CDH23: variants seen among roughly 807,000 people sequenced by gnomAD.
CDH23 encodes cadherin related 23.
In CDH23, 189 loss-of-function variants were observed where a neutral mutation model predicts 317.1. The observed-to-expected ratio is 0.60, with a 90% CI of 0.53 to 0.67. CDH23 has a LOEUF of 0.67. Among genes scored for constraint, CDH23 ranks in the 30% least tolerant of loss-of-function variants. The probability of loss-of-function intolerance (pLI) is 0.00; values close to 1 mark genes in which losing one functional copy is unlikely to be tolerated. For missense variants in CDH23, 4,401 were observed against 4,592.4 expected, an observed-to-expected ratio of 0.96 and a Z score of 1.20; for synonymous variants, 1,839 against 1,876.8, an observed-to-expected ratio of 0.98 and a Z score of 0.52.
chr10:71,487,100 C>T (rs1397622821), intron 3 of CDH23, among the ~76,000 whole-genome samples: 2 of 152,162 alleles, frequency 1.3e-5, no homozygotes, highest in African/African-American at 2.4e-5. Flanking sequence ...CTGGAATGGC[C>T]TTCTCTGCTC....
chr10:71,472,482 T>C (rs1417235952), intron 3 of CDH23, among the ~76,000 whole-genome samples: 2 of 152,216 alleles, frequency 1.3e-5, no homozygotes, highest in Non-Finnish European at 2.9e-5. Flanking sequence ...TGTCTCCTTC[T>C]TTCTGGTTGG....
intron 38 of CDH23, among the ~76,000 whole-genome samples, chr10:71,744,988 G>A (rs1207176270): frequency 6.6e-6 from 1 of 152,188 alleles, no homozygotes; most frequent in Non-Finnish European, 1.5e-5. Context: ...GTTTTTGCAG[G>A]GGACACCTCA....
intron 44 of CDH23, 37 bp from the exon 45 acceptor site, chr10:71,788,903 G>A (rs751464668): frequency 2.5e-5 from 27 of 1,079,698 alleles, no homozygotes; most frequent in Non-Finnish European, 3.9e-5. Context: ...ACTTTGCTGA[G>A]CATGGCCTAC....
intron 6 of CDH23, among the ~76,000 whole-genome samples, chr10:71,524,213 A>G (rs187698368): frequency 3.2e-4 from 49 of 152,336 alleles, no homozygotes; most frequent in Non-Finnish European, 5.6e-4. Flanking sequence ...GGGCAGGGAC[A>G]TGTGGCTTTC....
chr10:71,650,976 A>G lies in CDH23; in HGVS notation c.1449+4359A>G, dbSNP rs181871099. 2.8e-3 allele frequency among the ~76,000 whole-genome samples: 420 copies of G among 152,364 alleles called. 1 individual carries two copies. The highest frequency in any genetic ancestry group is 3.8e-3 in the Non-Finnish European group (260 of 68,038). The stretch of plus-strand genomic sequence containing the variant: ...TTGATTCAACAAACGTTTGGTGAAT[A>G]CCTGCTGTGTGCTAGGCACATGGCC... On this transcript the variant is annotated intron_variant, in intron 14 of 69. Transcript: ENST00000224721.
intron 9 of CDH23, among the ~76,000 whole-genome samples, chr10:71,580,932 C>A (rs1468328089): frequency 6.6e-6 from 1 of 152,120 alleles, no homozygotes; most frequent in Non-Finnish European, 1.5e-5. Flanking sequence ...CTAAAGCAGG[C>A]TAATGGGCAG....
rs536586386 is a variant in CDH23, at chr10:71,406,466, G to A, written c.-6+9148G>A. Among the ~76,000 whole-genome samples, 6 of 152,294 alleles carry A rather than the reference G, an allele frequency of 3.9e-5. No homozygotes were observed. In the East Asian group the frequency reaches 1.2e-3, roughly 29 times the overall value. On this transcript the variant is annotated intron_variant, in intron 1 of 69. Coordinates refer to ENST00000224721, the MANE Select transcript of CDH23 (RefSeq NM_022124.6). ...TCTCCTGTGATATACCCTGGGCCAA[G>A]GGTGTCAGGGTTCCCCCAGGAGGCA... is the stretch of plus-strand genomic sequence containing the variant.
intron 20 of CDH23, among the ~76,000 whole-genome samples, chr10:71,691,853 A>G (rs1212243426): frequency 6.6e-6 from 1 of 152,188 alleles, no homozygotes; most frequent in African/African-American, 2.4e-5. Context: ...TCAGCCTTCA[A>G]TCCCTTTTCC....
chr10:71,495,844 G>A (rs559151686), intron 3 of CDH23, among the ~76,000 whole-genome samples: 2 of 151,674 alleles, frequency 1.3e-5, no homozygotes, highest in East Asian at 3.9e-4. Flanking sequence ...AAGAAAGAAG[G>A]AAAGAAAGAA....
intron 22 of CDH23, 36 bp from the exon 23 acceptor site, chr10:71,701,986 G>A (rs773140611): frequency 8.7e-6 from 14 of 1,607,140 alleles, no homozygotes; most frequent in African/African-American, 4.0e-5. Context: ...CTCCCCAGGC[G>A]CGGCTCAGTG....
intron 8 of CDH23, among the ~76,000 whole-genome samples, chr10:71,575,653 AC>A (rs1858138112): frequency 6.6e-6 from 1 of 152,080 alleles, no homozygotes; most frequent in African/African-American, 2.4e-5. Context: ...CCTGGCGCAC[AC>A]CCCAGCTGGA....
At position 71,813,249 on chromosome 10, in the gene CDH23, G is replaced by C. The variant is rs751829738; in HGVS notation, c.9639G>C (p.Ser3213=). The change falls in exon 69 of 70, where the codon TCG becomes TCC. Residue 3213 remains serine (S), a synonymous_variant. Transcript: ENST00000224721. ...QIIREGPIKG[S]LLKVVLEDYL... ...TAACCCTTTCCCTCCCCCAGGGCTCGCTGCTGAAGGTGGTCCTGGAGGATT... is the reference window on the plus strand; with the variant it reads ...TAACCCTTTCCCTCCCCCAGGGCTCCCTGCTGAAGGTGGTCCTGGAGGATT... 6.4e-7 allele frequency: 1 copy of C among 1,551,436 alleles called. No homozygotes were observed. The highest frequency in any genetic ancestry group is 1.4e-5 in the African/African-American group (1 of 73,054).
intron 27 of CDH23, among the ~76,000 whole-genome samples, chr10:71,710,676 C>T (rs1564747875): frequency 6.6e-6 from 1 of 152,358 alleles, no homozygotes; most frequent in East Asian, 1.9e-4. Context: ...CAAGGGGTGC[C>T]CACTGCAGCC....
intron 3 of CDH23, among the ~76,000 whole-genome samples, chr10:71,482,862 T>C (rs1852141396): frequency 6.6e-6 from 1 of 152,144 alleles, no homozygotes; most frequent in Admixed American, 6.5e-5. Context: ...TTCTGACAGT[T>C]AAATCCAAGA....
At chr10:71,811,670 T>C in intron 64 of CDH23, 43 bp from the exon 65 acceptor site, 3 of 1,613,616 alleles carry the variant, frequency 1.9e-6, no homozygotes, top group Non-Finnish European at 2.5e-6. Flanking sequence ...GCCTGAGACG[T>C]CAGCTTGGCC....
At chr10:71,491,825 A>G (rs1394872875) in intron 3 of CDH23, among the ~76,000 whole-genome samples, 2 of 152,112 alleles carry the variant, frequency 1.3e-5, no homozygotes, top group African/African-American at 4.8e-5. Flanking sequence ...TCTTTGAGCA[A>G]TTGGAGGGCA....
chr10:71,689,741 G>C (rs1417995311), intron 19 of CDH23, among the ~76,000 whole-genome samples: 3 of 152,340 alleles, frequency 2.0e-5, no homozygotes, highest in Non-Finnish European at 2.9e-5. Flanking sequence ...GGTCCCAGGG[G>C]AAGAAGTGAT....
chr10:71,468,071 C>T (rs1686825730), intron 3 of CDH23, among the ~76,000 whole-genome samples: 1 of 152,206 alleles, frequency 6.6e-6, no homozygotes, highest in South Asian at 2.1e-4. Flanking sequence ...AAGCTCTGAG[C>T]TCTGCCCCAG....
intron 30 of CDH23, among the ~76,000 whole-genome samples, chr10:71,729,995 C>T (rs1170330425): frequency 2.6e-5 from 4 of 151,992 alleles, no homozygotes; most frequent in African/African-American, 7.2e-5. Flanking sequence ...CCACCACGCC[C>T]GGCTAATTTT....
Sources: gnomAD v4.1 joint callset for allele counts (sites outside exome capture counted in the v4.1 genomes callset) on GRCh38, gnomAD v4.1.1 for gene constraint, MANE v1.5 for transcripts, NCBI Gene and HGNC (gene_info 2026-07-23, HGNC 2026-07-21) for gene names.